NAALADL2: variants seen among roughly 807,000 people sequenced by gnomAD.
The protein encoded by NAALADL2 is inactive N-acetylated-alpha-linked acidic dipeptidase-like protein 2.
A neutral mutation model predicts 87.2 loss-of-function variants in NAALADL2; 76 were observed. That is an observed-to-expected ratio of 0.87 (90% CI 0.72 to 1.05). The LOEUF is 1.05. Ranked by LOEUF, NAALADL2 falls within the 50% of genes least tolerant of loss-of-function variation. The probability of loss-of-function intolerance (pLI) is 0.00; values close to 1 mark genes in which losing one functional copy is unlikely to be tolerated. For missense variants in NAALADL2, 1,089 were observed against 945.8 expected, an observed-to-expected ratio of 1.15 and a Z score of -1.99; for synonymous variants, 354 against 331.0, an observed-to-expected ratio of 1.07 and a Z score of -0.75.
At chr3:174,580,875 G>A (rs1204362979) in intron 2 of NAALADL2, among the ~76,000 whole-genome samples, 1 of 152,062 alleles carries the variant, frequency 6.6e-6, no homozygotes, top group Non-Finnish European at 1.5e-5. Context: ...GGATCATAAT[G>A]TTAAGTATAT....
chr3:175,273,312 A>G (rs1182003579), intron 4 of NAALADL2, among the ~76,000 whole-genome samples: 1 of 152,140 alleles, frequency 6.6e-6, no homozygotes, highest in Non-Finnish European at 1.5e-5. Flanking sequence ...TGACAAATTG[A>G]CCTTCCTTAT....
intron 1 of NAALADL2, among the ~76,000 whole-genome samples, chr3:174,882,621 A>G (rs980733626): frequency 6.6e-5 from 9 of 135,810 alleles, no homozygotes; most frequent in African/African-American, 2.8e-4. Context: ...GTGCATATGC[A>G]TATATGTGCA....
At chr3:175,007,748 T>G (rs2108790160) in intron 1 of NAALADL2, among the ~76,000 whole-genome samples, 1 of 152,222 alleles carries the variant, frequency 6.6e-6, no homozygotes, top group Admixed American at 6.5e-5. Flanking sequence ...CCTACAAAAA[T>G]ATTTAATTTA....
intron 1 of NAALADL2, among the ~76,000 whole-genome samples, chr3:174,516,697 T>C (rs1270624055): frequency 6.6e-6 from 1 of 152,098 alleles, no homozygotes; most frequent in Admixed American, 6.5e-5. Context: ...TTTTCATTTT[T>C]ATATTACTTT....
At chr3:174,864,678 G>A (rs530817919) in intron 1 of NAALADL2, among the ~76,000 whole-genome samples, 3 of 151,954 alleles carry the variant, frequency 2.0e-5, no homozygotes, top group Non-Finnish European at 4.4e-5. Context: ...AACAAAAGAT[G>A]CAGTAATAAT....
intron 12 of NAALADL2, among the ~76,000 whole-genome samples, chr3:175,745,929 C>G (rs746915861): frequency 6.6e-6 from 1 of 152,100 alleles, no homozygotes; most frequent in Admixed American, 6.5e-5. Context: ...CATCAGATTT[C>G]TTAAATAGCA....
At chr3:175,181,718 T>TGTGTATGC (rs1553802465) in intron 2 of NAALADL2, among the ~76,000 whole-genome samples, 31 of 72,412 alleles carry the variant, frequency 4.3e-4, no homozygotes, top group African/African-American at 1.0e-3. Flanking sequence ...TGTGTGTGTG[T>TGTGTATGC]ATATATATGT....
At chr3:174,985,406 C>T (rs1462199780) in intron 1 of NAALADL2, among the ~76,000 whole-genome samples, 2 of 152,162 alleles carry the variant, frequency 1.3e-5, no homozygotes, top group Non-Finnish European at 2.9e-5. Flanking sequence ...ATTCTTTTCT[C>T]TATCAATGTA....
intron 10 of NAALADL2, among the ~76,000 whole-genome samples, chr3:175,578,794 A>T (rs186434881): frequency 1.3e-5 from 2 of 152,350 alleles, no homozygotes; most frequent in Admixed American, 1.3e-4. Flanking sequence ...TTACTGAAAA[A>T]TTGAATGTCT....
At chr3:175,453,311 C>A (rs1228724177) in intron 6 of NAALADL2, among the ~76,000 whole-genome samples, 1 of 152,092 alleles carries the variant, frequency 6.6e-6, no homozygotes, top group Non-Finnish European at 1.5e-5. Context: ...CAAAAACTTG[C>A]ACGGATTCCT....
intron 3 of NAALADL2, among the ~76,000 whole-genome samples, chr3:175,238,566 C>T (rs7637473): frequency 0.17 from 26,425 of 151,980 alleles, 2,493 homozygotes; most frequent in East Asian, 0.29. Context: ...CAAGAAAGCA[C>T]ATGCTATTGA....
chr3:175,335,478 A>T (rs912548478), intron 5 of NAALADL2, among the ~76,000 whole-genome samples: 10 of 152,304 alleles, frequency 6.6e-5, no homozygotes, highest in Admixed American at 5.2e-4. Context: ...TACAAAGCAG[A>T]CTCTAAGAAC....
intron 3 of NAALADL2, among the ~76,000 whole-genome samples, chr3:174,818,958 T>C (rs919636643): frequency 6.6e-6 from 1 of 151,960 alleles, no homozygotes; most frequent in Non-Finnish European, 1.5e-5. Context: ...TTCTTTTCTA[T>C]TTTTGTTTGT....
intron 3 of NAALADL2, among the ~76,000 whole-genome samples, chr3:174,852,475 ATAAAAT>A (rs1003488601): frequency 6.6e-6 from 1 of 152,196 alleles, no homozygotes; most frequent in African/African-American, 2.4e-5. Flanking sequence ...ATAGCTATAG[ATAAAAT>A]TAAATACTTT....
chr3:175,089,501 C>T (rs1021470961), intron 1 of NAALADL2, among the ~76,000 whole-genome samples: 2 of 152,064 alleles, frequency 1.3e-5, no homozygotes, highest in African/African-American at 4.8e-5. Flanking sequence ...ATAATAATAG[C>T]ACTTAACATA....
intron 1 of NAALADL2, among the ~76,000 whole-genome samples, chr3:174,532,155 G>A (rs1721305097): frequency 6.6e-6 from 1 of 152,162 alleles, no homozygotes; most frequent in African/African-American, 2.4e-5. Flanking sequence ...TCTACTTTGT[G>A]AAGGTCCTTT....
chr3:174,730,196 T>C (rs1732569488), intron 2 of NAALADL2, among the ~76,000 whole-genome samples: 1 of 152,112 alleles, frequency 6.6e-6, no homozygotes, highest in South Asian at 2.1e-4. Flanking sequence ...TATTTCTGGG[T>C]GAAACATTTT....
intron 3 of NAALADL2, among the ~76,000 whole-genome samples, chr3:175,255,326 C>T (rs1447421854): frequency 6.6e-6 from 1 of 152,144 alleles, no homozygotes; most frequent in Non-Finnish European, 1.5e-5. Flanking sequence ...AAACAATGCT[C>T]TTTCTTCAGA....
At chr3:174,873,285 C>T (rs1014567302) in intron 1 of NAALADL2, among the ~76,000 whole-genome samples, 6 of 151,502 alleles carry the variant, frequency 4.0e-5, no homozygotes, top group Admixed American at 6.6e-5. Context: ...GACGGAGTCT[C>T]GCTCTGTCGC....
Sources: gnomAD v4.1 joint callset for allele counts (sites outside exome capture counted in the v4.1 genomes callset) on GRCh38, gnomAD v4.1.1 for gene constraint, MANE v1.5 for transcripts, NCBI Gene and HGNC (gene_info 2026-07-23, HGNC 2026-07-21) for gene names.